Variants in C1QTNF3 observed in about 807,000 individuals in gnomAD.
C1QTNF3 encodes the protein complement C1q tumor necrosis factor-related protein 3.
A neutral mutation model predicts 32.6 loss-of-function variants in C1QTNF3; 26 were observed. The observed-to-expected ratio is 0.80, with a 90% CI of 0.58 to 1.11. C1QTNF3 has a LOEUF of 1.11. Among genes scored for constraint, C1QTNF3 ranks in the 50% least tolerant of loss-of-function variants. The probability of loss-of-function intolerance (pLI) is 0.00; values close to 1 mark genes in which losing one functional copy is unlikely to be tolerated. For missense variants in C1QTNF3, 362 were observed against 398.2 expected (o/e 0.91, Z 0.77); for synonymous variants, 155 against 146.0 (o/e 1.06, Z -0.44).
the C1QTNF3 span, among the ~76,000 whole-genome samples, chr5:34,199,451 GA>G: frequency 6.6e-6 from 1 of 151,374 alleles, no homozygotes; most frequent in African/African-American, 2.4e-5. Flanking sequence ...TATATGTATG[GA>G]AATGAGACAG....
the C1QTNF3 span, among the ~76,000 whole-genome samples, chr5:34,073,295 C>G: frequency 6.8e-5 from 10 of 147,066 alleles, no homozygotes; most frequent in African/African-American, 2.3e-4. Context: ...CCACTGCACT[C>G]AAGCCTGGGC....
At chr5:34,056,473 TATATATAGAGAGAGAG>T in the C1QTNF3 span, among the ~76,000 whole-genome samples, 9 of 106,980 alleles carry the variant, frequency 8.4e-5, no homozygotes, top group Non-Finnish European at 1.5e-4. Flanking sequence ...TATATATATA[TATATATAGAGAGAGAG>T]AGAGAGAGAG....
the C1QTNF3 span, among the ~76,000 whole-genome samples, chr5:34,054,756 A>AT: frequency 0.47 from 71,327 of 151,700 alleles, 18,415 homozygotes; most frequent in South Asian, 0.58. Context: ...AGGAATCTGT[A>AT]TTTTTTTTAC....
At position 34,035,747 on chromosome 5, in the gene C1QTNF3, G is replaced by A. The variant is rs140945520; in HGVS notation, c.315C>T (p.Thr105=). Reference sequence around the variant, plus strand: ...TACTGCAGTCTGGGGGTAGTCCTCCGGTTTGTGGAGACTAAAAAGACAGAA... The same window carrying A: ...TACTGCAGTCTGGGGGTAGTCCTCCAGTTTGTGGAGACTAAAAAGACAGAA... ...ITTFWGQSPQ[T]GGLPPDCSKC... is the part of the protein sequence containing the mutation. The change falls in exon 2 of 6, where the codon ACC becomes ACT. Residue 105 remains threonine, a synonymous_variant. Transcript: ENST00000382065. The A allele has an allele frequency of 2.9e-5, 47 of 1,611,634 alleles. No homozygotes were observed. Among genetic ancestry groups the A allele is most frequent in the Middle Eastern group, 1.7e-4 (1 of 6,016 alleles).
chr5:34,048,095 C>T (rs1447907178), upstream of C1QTNF3, among the ~76,000 whole-genome samples: 5 of 152,162 alleles, frequency 3.3e-5, no homozygotes, highest in East Asian at 7.7e-4. Context: ...CTTTCAGAGA[C>T]TCATGTACAA....
the C1QTNF3 span, among the ~76,000 whole-genome samples, chr5:34,078,178 T>C: frequency 4.0e-5 from 6 of 151,762 alleles, no homozygotes; most frequent in East Asian, 1.2e-3. The surrounding 1 kb of genome is among the most constrained non-coding windows in gnomAD (Gnocchi z 4.0). Context: ...TGCCATTTTA[T>C]TGGGGCGTGC....
the C1QTNF3 span, among the ~76,000 whole-genome samples, chr5:34,131,007 T>C: frequency 1.3e-5 from 2 of 152,244 alleles, no homozygotes; most frequent in Non-Finnish European, 2.9e-5. Flanking sequence ...ATACACTATA[T>C]AGGTTTTGAT....
At chr5:34,131,036 C>T in the C1QTNF3 span, among the ~76,000 whole-genome samples, 1 of 152,240 alleles carries the variant, frequency 6.6e-6, no homozygotes, top group Non-Finnish European at 1.5e-5. Flanking sequence ...TTGCCCTAGG[C>T]CTTAAGAATG....
At chr5:34,145,578 A>T in the C1QTNF3 span, among the ~76,000 whole-genome samples, 2 of 151,700 alleles carry the variant, frequency 1.3e-5, no homozygotes, top group Admixed American at 1.3e-4. Flanking sequence ...AACTGACATC[A>T]ATCCTACTGA....
At chr5:34,109,679 G>C in the C1QTNF3 span, among the ~76,000 whole-genome samples, 1 of 152,196 alleles carries the variant, frequency 6.6e-6, no homozygotes, top group Non-Finnish European at 1.5e-5. Context: ...AGTTCAAGAA[G>C]AGGGAAAACA....
the C1QTNF3 span, among the ~76,000 whole-genome samples, chr5:34,107,537 T>G: frequency 1.3e-5 from 2 of 151,920 alleles, no homozygotes; most frequent in Admixed American, 1.3e-4. Context: ...GCAAACAAGA[T>G]AGAATTAAGA....
the C1QTNF3 span, chr5:34,106,458 A>G: frequency 1.1e-4 from 16 of 148,354 alleles, no homozygotes; most frequent in Admixed American, 1.0e-3. Context: ...TGTTCCATAA[A>G]TGATGATAAT....
chr5:34,213,772 T>C, the C1QTNF3 span, among the ~76,000 whole-genome samples: 5,724 of 58,106 alleles, frequency 0.099, 607 homozygotes, highest in African/African-American at 0.23. Flanking sequence ...CACACACACA[T>C]ACGTGTATAT....
At chr5:34,177,712 C>T in the C1QTNF3 span, among the ~76,000 whole-genome samples, 1 of 151,484 alleles carries the variant, frequency 6.6e-6, no homozygotes, top group African/African-American at 2.4e-5. Context: ...TGGACTTGAA[C>T]TCTTGGCCTC....
chr5:34,120,199 G>A, the C1QTNF3 span, among the ~76,000 whole-genome samples: 2 of 152,118 alleles, frequency 1.3e-5, no homozygotes, highest in African/African-American at 4.8e-5. Context: ...ATTCACTTTG[G>A]CATTCATGCA....
At chr5:34,198,172 G>A in the C1QTNF3 span, among the ~76,000 whole-genome samples, 1 of 145,114 alleles carries the variant, frequency 6.9e-6, no homozygotes, top group East Asian at 2.0e-4. Flanking sequence ...AACCCAGGAG[G>A]CAGACGTTGC....
At chr5:34,220,961 T>C in the C1QTNF3 span, among the ~76,000 whole-genome samples, 1 of 152,076 alleles carries the variant, frequency 6.6e-6, no homozygotes, top group Admixed American at 6.6e-5. Flanking sequence ...TGACCTAACA[T>C]TCAGCCAGAC....
At chr5:34,056,291 C>T in the C1QTNF3 span, among the ~76,000 whole-genome samples, 4 of 151,580 alleles carry the variant, frequency 2.6e-5, no homozygotes, top group Admixed American at 6.6e-5. Flanking sequence ...CATCATGGTA[C>T]AGCACTTTTG....
chr5:34,024,383 T>TA (rs1754412168), intron 4 of C1QTNF3: 1 of 186,178 alleles, frequency 5.4e-6, no homozygotes, highest in Non-Finnish European at 1.1e-5. Flanking sequence ...GCAGAGATGT[T>TA]TGTGGTTGAA....
Sources: allele counts gnomAD v4.1 joint callset (sites outside exome capture counted in the v4.1 genomes callset), GRCh38; gene constraint gnomAD v4.1.1; non-coding constraint Gnocchi (gnomAD v3.1); transcripts MANE v1.5; gene names NCBI Gene and HGNC (gene_info 2026-07-23, HGNC 2026-07-21).